ZFYVE28: variants seen among roughly 807,000 people sequenced by gnomAD.
The protein encoded by ZFYVE28 is zinc finger FYVE-type containing 28, also known as lateral signaling target protein 2 homolog.
ZFYVE28 carries 40 observed loss-of-function variants against 82.1 expected under a neutral mutation model. The observed-to-expected ratio is 0.49, with a 90% CI of 0.38 to 0.63. ZFYVE28 has a LOEUF of 0.63. ZFYVE28 is among the 30% of genes least tolerant of loss of function. The pLI, the probability that ZFYVE28 is intolerant of heterozygous loss-of-function variation, is 0.00. For synonymous variants in ZFYVE28, 612 were observed against 546.1 expected, an observed-to-expected ratio of 1.12 and a Z score of -1.68; for missense variants, 1,321 against 1,242.1, an observed-to-expected ratio of 1.06 and a Z score of -0.96.
intron 1 of ZFYVE28, among the ~76,000 whole-genome samples, chr4:2,402,335 C>T (rs1731281062): frequency 6.6e-6 from 1 of 152,184 alleles, no homozygotes; most frequent in African/African-American, 2.4e-5. Flanking sequence ...GCCGGCACCG[C>T]CCCCGCCATC....
chr4:2,353,775 G>A (rs779796984), intron 2 of ZFYVE28, among the ~76,000 whole-genome samples, 158 bp downstream of exon 2: 20 of 152,298 alleles, frequency 1.3e-4, no homozygotes, highest in African/African-American at 3.4e-4. Context: ...CATCCTGCCC[G>A]GGATGGTCCC....
Position 2,270,737 on chromosome 4 carries a change from C to A in ZFYVE28, c.2652G>T (p.Lys884Asn), listed in dbSNP as rs779795108. The part of the protein sequence containing the change: ...MFHVTPFYSD[K>N]AGL Reference sequence around the variant, plus strand: ...CCCTGGCACCACGTCACAGGCCGGCCTTGTCGCTGTAGAAGGGCGTGACAT... The same window carrying A: ...CCCTGGCACCACGTCACAGGCCGGCATTGTCGCTGTAGAAGGGCGTGACAT... The change falls in exon 13 of 13, where the codon AAG becomes AAT. Residue 884 changes from lysine to asparagine, a missense_variant. Transcript: ENST00000290974. 2.5e-6 allele frequency: 4 copies of A among 1,613,080 alleles called. No homozygotes were observed. The Middle Eastern group carries it at 4.9e-4, about 199-fold the overall frequency.
intron 1 of ZFYVE28, among the ~76,000 whole-genome samples, chr4:2,368,114 C>A (rs3128818): frequency 0.16 from 23,142 of 148,866 alleles, 2,146 homozygotes; most frequent in Middle Eastern, 0.28. Flanking sequence ...AAAGGCCAGG[C>A]ACGATGGCAC....
chr4:2,376,336 A>G (rs1161032294), intron 1 of ZFYVE28, among the ~76,000 whole-genome samples: 1 of 138,780 alleles, frequency 7.2e-6, no homozygotes, highest in Non-Finnish European at 1.5e-5. Context: ...CAGGAGTTTG[A>G]GACCAGCCTG....
rs977774032 is a variant in ZFYVE28 at position 2,330,859 on chromosome 4, G to C, written c.701+4846C>G. The C allele has an allele frequency of 3.1e-5, 48 of 1,534,972 alleles. No individual in the cohort carries two copies. The East Asian group carries it at 1.2e-3, about 38-fold the overall frequency. On this transcript the variant is annotated intron_variant, in intron 6 of 12. Transcript: ENST00000290974. ...GGGTGCGTGGGGACTGGGGAGAGAG[G>C]ACTGGTGTGGGCACGGTGCAGGCAG... is the stretch of plus-strand genomic sequence containing the variant.
intron 1 of ZFYVE28, among the ~76,000 whole-genome samples, chr4:2,401,802 C>T (rs936112361): frequency 6.6e-6 from 1 of 152,208 alleles, no homozygotes; most frequent in Non-Finnish European, 1.5e-5. Context: ...CATCCATCAG[C>T]AGCAAAACCC....
chr4:2,320,076 G>A lies in ZFYVE28; in HGVS notation c.803+94C>T. 8.6e-7 allele frequency: 1 copy of A among 1,163,658 alleles called. No individual in the cohort carries two copies. Among genetic ancestry groups the A allele is most frequent in the Admixed American group, 1.9e-5 (1 of 52,986 alleles). 72.1% of individuals were successfully genotyped at this position (1,163,658 alleles called of 1,614,324 possible). ...CCATCCTTCCTCACAGAGAGGAGGA[G>A]GACCTGGAGGCGGCGGCTAAACATG... is the stretch of plus-strand genomic sequence containing the variant. On this transcript the variant is annotated intron_variant, in intron 7 of 12. Transcript: ENST00000290974. The surrounding 1 kb of genome is among the most constrained non-coding windows in gnomAD (Gnocchi z 5.1).
intron 7 of ZFYVE28, among the ~76,000 whole-genome samples, chr4:2,319,834 G>A (rs2108837191): frequency 1.4e-5 from 2 of 139,016 alleles, no homozygotes; most frequent in Non-Finnish European, 3.1e-5. Context: ...GGATGGTGGG[G>A]ACGGTGGGGA....
rs1722472393 is a variant in ZFYVE28 at position 2,339,759 on chromosome 4, A to G, written c.319-104T>C. 7.0e-6 allele frequency: 7 copies of G among 1,000,968 alleles called. No individual in the cohort carries two copies. The Admixed American group carries it at 1.9e-4, about 26-fold the overall frequency. The allele number at this position is 1,000,968 out of a possible 1,614,324, so 62.0% of individuals were successfully genotyped here. On this transcript the variant is annotated intron_variant, in intron 3 of 12. Transcript: ENST00000290974. The surrounding 1 kb of genome is among the most constrained non-coding windows in gnomAD (Gnocchi z 5.0). ...TGCGCACCTCGGGGCCCCTCTTCTC[A>G]CCCCACAGCACAGGCCAGCTCGTGT...
intron 5 of ZFYVE28, among the ~76,000 whole-genome samples, chr4:2,336,555 TC>T (rs1376708149): frequency 2.5e-5 from 3 of 119,886 alleles, no homozygotes; most frequent in Non-Finnish European, 6.1e-5. Context: ...ATTGATGGCT[TC>T]CCCCTGCCCC....
intron 8 of ZFYVE28, among the ~76,000 whole-genome samples, chr4:2,290,086 G>C (rs1713374772): frequency 6.6e-6 from 1 of 152,176 alleles, no homozygotes; most frequent in Non-Finnish European, 1.5e-5. Context: ...GCAGCGTGAT[G>C]GCAGGCCCCG....
In ZFYVE28 at chr4:2,364,716, A is replaced by G. The variant is rs897717703; in HGVS notation, c.40-10643T>C. Reference sequence around the variant, plus strand: ...ACCTCGCGTCTCGCCGTCAGGGGTGACAGTGGTGGACGCAGGTGATGAGCA... The same window carrying G: ...ACCTCGCGTCTCGCCGTCAGGGGTGGCAGTGGTGGACGCAGGTGATGAGCA... On this transcript the variant is annotated intron_variant, in intron 1 of 12. Transcript: ENST00000290974. The G allele has an allele frequency of 4.2e-5, 41 of 985,352 alleles. 1 individual carries two copies. The highest frequency in any genetic ancestry group is 2.8e-4 in the South Asian group (6 of 21,298). 61.0% of individuals were successfully genotyped at this position (985,352 alleles called of 1,614,324 possible). A position where few individuals can be genotyped will look rare whatever the true frequency, so the allele number is the denominator to read the frequency against.
At chr4:2,401,602 CAG>C (rs1438888682) in intron 1 of ZFYVE28, among the ~76,000 whole-genome samples, 4 of 152,062 alleles carry the variant, frequency 2.6e-5, no homozygotes, top group African/African-American at 9.7e-5. Flanking sequence ...AGAGTGTCTA[CAG>C]AGAGGTTTTT....
At chr4:2,354,706 G>A (rs1382229375) in intron 1 of ZFYVE28, among the ~76,000 whole-genome samples, 4 of 152,140 alleles carry the variant, frequency 2.6e-5, no homozygotes, top group East Asian at 3.9e-4. Flanking sequence ...TGATCCACGC[G>A]CCTCAGCCTC....
chr4:2,322,305 A>T (rs1719206216), intron 6 of ZFYVE28, among the ~76,000 whole-genome samples: 1 of 152,198 alleles, frequency 6.6e-6, no homozygotes, highest in Non-Finnish European at 1.5e-5. Flanking sequence ...GCTCAGAATG[A>T]GGCCTGGGAA....
intron 1 of ZFYVE28, among the ~76,000 whole-genome samples, chr4:2,365,427 A>G (rs1726769760): frequency 1.3e-5 from 2 of 152,082 alleles, no homozygotes; most frequent in Admixed American, 6.5e-5. Flanking sequence ...TAATAAGGGT[A>G]ACAACAACGC....
chr4:2,388,165 G>A (rs1285760748), intron 1 of ZFYVE28, among the ~76,000 whole-genome samples: 1 of 152,218 alleles, frequency 6.6e-6, no homozygotes, highest in African/African-American at 2.4e-5. Flanking sequence ...TTATCCCACG[G>A]GGCTGCTCTC....
At chr4:2,315,625 T>C (rs1217165548) in intron 7 of ZFYVE28, among the ~76,000 whole-genome samples, 1 of 152,234 alleles carries the variant, frequency 6.6e-6, no homozygotes, top group Admixed American at 6.5e-5. Context: ...CTTCCATTGT[T>C]TCTGTTCATT....
At chr4:2,289,725 T>C (rs1713307207) in intron 8 of ZFYVE28, among the ~76,000 whole-genome samples, 1 of 152,138 alleles carries the variant, frequency 6.6e-6, no homozygotes, top group African/African-American at 2.4e-5. Context: ...GGAGGTTAAG[T>C]TCCCTGCCCA....
Sources: gnomAD v4.1 joint callset for allele counts (sites outside exome capture counted in the v4.1 genomes callset) on GRCh38, gnomAD v4.1.1 for gene constraint, Gnocchi (gnomAD v3.1) non-coding constraint, MANE v1.5 for transcripts, NCBI Gene and HGNC (gene_info 2026-07-23, HGNC 2026-07-21) for gene names.